The following PRKCQ variants were observed in gnomAD, a reference collection of about 807,000 sequenced individuals.
PRKCQ encodes protein kinase C theta type.
A neutral mutation model predicts 91.2 loss-of-function variants in PRKCQ; 41 were observed. The observed-to-expected ratio is 0.45, with a 90% CI of 0.35 to 0.58. The LOEUF (loss-of-function observed/expected upper bound fraction) is 0.58, where lower values mean the gene tolerates loss of function less well. Ranked by LOEUF, PRKCQ falls within the 20% of genes least tolerant of loss-of-function variation. The pLI is 0.00. For missense variants in PRKCQ, 673 were observed against 896.5 expected (o/e 0.75, Z 3.18); for synonymous variants, 307 against 316.9 (o/e 0.97, Z 0.33).
rs191540441 is a variant in PRKCQ at position 6,575,252 on chromosome 10, G to A, written c.-10+4959C>T. ...TTTGCAGCACGGTGTGTGATCTGAG[G>A]CTTGCAACAAAGGCCTGGTGAATTC... On this transcript the variant is annotated intron_variant, in intron 1 of 17. Transcript: ENST00000263125. 7.8e-4 allele frequency among the ~76,000 whole-genome samples: 119 copies of A among 152,274 alleles called. 4 individuals are homozygous for A. Among genetic ancestry groups the A allele is most frequent in the Admixed American group, 7.7e-3 (118 of 15,294 alleles).
rs145698526 is a variant in PRKCQ, at chr10:6,523,951, G to A, written c.-9-8807C>T. Among the ~76,000 whole-genome samples the A allele has an allele frequency of 1.6e-3, 243 of 152,174 alleles. 1 individual carries two copies. Among genetic ancestry groups the A allele is most frequent in the Middle Eastern group, 0.01 (3 of 294 alleles). ...TGTTATTAAAAAGCCTCCGTTTATTGGGTTCAAGTTGCCTCCTTCACACAG... is the reference window on the plus strand; with the variant it reads ...TGTTATTAAAAAGCCTCCGTTTATTAGGTTCAAGTTGCCTCCTTCACACAG... On this transcript the variant is annotated intron_variant, in intron 1 of 17. Transcript: ENST00000263125.
At chr10:6,469,518 G>A (rs7075155) in intron 12 of PRKCQ, among the ~76,000 whole-genome samples, 4,217 of 152,264 alleles carry the variant, frequency 0.028, 160 homozygotes, top group African/African-American at 0.081. Flanking sequence ...GGGGCTGGGC[G>A]GAACCCCTCT....
chr10:6,472,760 T>C (rs1180021964), intron 12 of PRKCQ, among the ~76,000 whole-genome samples: 1 of 152,254 alleles, frequency 6.6e-6, no homozygotes, highest in Non-Finnish European at 1.5e-5. Flanking sequence ...TCGCCCATGC[T>C]GGAGTGCAGT....
At chr10:6,421,346 A>G in the PRKCQ span, among the ~76,000 whole-genome samples, 1 of 152,166 alleles carries the variant, frequency 6.6e-6, no homozygotes, top group African/African-American at 2.4e-5. This position sits in a 1 kb window ranked among gnomAD's most constrained non-coding sequence, Gnocchi z 4.1. Context: ...TTAATCAGGC[A>G]TGGTGGTGCA....
chr10:6,398,094 T>C, the PRKCQ span, among the ~76,000 whole-genome samples: 4 of 152,258 alleles, frequency 2.6e-5, no homozygotes, highest in South Asian at 2.1e-4. Flanking sequence ...TTCTTTTGAA[T>C]GTAGATATTC....
intron 2 of PRKCQ, 79 bp from the exon 3 acceptor site, chr10:6,511,273 C>G (rs1588360398): frequency 2.3e-6 from 3 of 1,295,484 alleles, no homozygotes; most frequent in Non-Finnish European, 3.3e-6. Flanking sequence ...ACAGTAGCAC[C>G]TGCTCCCTCT....
intron 4 of PRKCQ, among the ~76,000 whole-genome samples, chr10:6,499,426 G>T (rs1301317040): frequency 6.6e-6 from 1 of 152,150 alleles, no homozygotes; most frequent in African/African-American, 2.4e-5. Context: ...CCTTGCTGAA[G>T]CCCAGGTCCT....
the PRKCQ span, among the ~76,000 whole-genome samples, chr10:6,413,776 GCA>G: frequency 4.6e-5 from 5 of 108,410 alleles, no homozygotes; most frequent in Admixed American, 2.0e-4. Flanking sequence ...TGCCACTTGT[GCA>G]CACACACACA....
At chr10:6,518,160 C>T (rs1442108368) in intron 1 of PRKCQ, among the ~76,000 whole-genome samples, 1 of 151,448 alleles carries the variant, frequency 6.6e-6, no homozygotes, top group East Asian at 1.9e-4. Flanking sequence ...TACACCAAGC[C>T]AAAAGTCAAT....
In PRKCQ at chr10:6,505,679, T is replaced by C. The variant is rs141392726; in HGVS notation, c.379+1757A>G. On this transcript the variant is annotated intron_variant, in intron 4 of 17. Coordinates refer to ENST00000263125, the MANE Select transcript of PRKCQ (RefSeq NM_006257.5). The stretch of plus-strand genomic sequence containing the variant: ...CCTTTCTTTCCTTTCTTTCTTTCAC[T>C]GTATCATCCACACTGCAGTGCACTG... Among the ~76,000 whole-genome samples the C allele has an allele frequency of 9.2e-4, 139 of 151,510 alleles. 1 individual carries two copies. Among genetic ancestry groups the C allele is most frequent in the African/African-American group, 3.0e-3 (123 of 41,248 alleles).
At chr10:6,446,426 C>T (rs144161061) in intron 15 of PRKCQ, among the ~76,000 whole-genome samples, 1,466 of 132,402 alleles carry the variant, frequency 0.011, 19 homozygotes, top group African/African-American at 0.04. Flanking sequence ...AGTGCAGTGG[C>T]GCGATCTCAG....
chr10:6,414,441 C>A, the PRKCQ span, among the ~76,000 whole-genome samples: 2 of 151,914 alleles, frequency 1.3e-5, no homozygotes, highest in Non-Finnish European at 2.9e-5. Context: ...ACCGGGCACA[C>A]AAAGAAACAG....
chr10:6,396,846 A>C, the PRKCQ span, among the ~76,000 whole-genome samples: 2 of 152,204 alleles, frequency 1.3e-5, no homozygotes, highest in Non-Finnish European at 2.9e-5. Flanking sequence ...TGTGTTGAAA[A>C]TTTAACTGCC....
chr10:6,419,185 ATCTC>A, the PRKCQ span, among the ~76,000 whole-genome samples: 2 of 144,540 alleles, frequency 1.4e-5, no homozygotes, highest in African/African-American at 5.7e-5. Flanking sequence ...ACTTCTGTCT[ATCTC>A]TCTATCTCTC....
rs1263705444 is a variant in PRKCQ, at chr10:6,534,791, TAG to T, written c.-9-19649_-9-19648del. On this transcript the variant is annotated intron_variant, in intron 1 of 17. Coordinates refer to ENST00000263125, the MANE Select transcript of PRKCQ (RefSeq NM_006257.5). ...ACATATATCTATATATATATATATA[TAG>T]ATATATATATATATATATAAACTCA... Among the ~76,000 whole-genome samples, 474 of 117,776 alleles carry T rather than the reference TAG, an allele frequency of 4.0e-3. 1 individual carries two copies. The highest frequency in any genetic ancestry group is 8.3e-3 in the African/African-American group (294 of 35,518). 77.3% of individuals were successfully genotyped at this position (117,776 alleles called of 152,430 possible).
chr10:6,400,685 TGTAA>T, the PRKCQ span, among the ~76,000 whole-genome samples: 1 of 146,944 alleles, frequency 6.8e-6, no homozygotes, highest in Non-Finnish European at 1.5e-5. Context: ...TTTGGCTACA[TGTAA>T]GTGTTTTTAC....
intron 11 of PRKCQ, among the ~76,000 whole-genome samples, chr10:6,481,157 T>C (rs1276131693): frequency 6.6e-6 from 1 of 152,192 alleles, no homozygotes; most frequent in Non-Finnish European, 1.5e-5. Context: ...GCTTTGGACA[T>C]GGAGTGGGGG....
At chr10:6,431,887 A>C (rs567502597) in intron 16 of PRKCQ, among the ~76,000 whole-genome samples, 1 of 152,342 alleles carries the variant, frequency 6.6e-6, no homozygotes, top group South Asian at 2.1e-4. Context: ...TCCTCTCTGC[A>C]CTGTTCCTTC....
intron 1 of PRKCQ, among the ~76,000 whole-genome samples, chr10:6,549,275 A>G (rs924302059): frequency 6.6e-6 from 1 of 152,202 alleles, no homozygotes; most frequent in African/African-American, 2.4e-5. Context: ...GCATGCTGCA[A>G]TGGGATTCAT....
Sources: gnomAD v4.1 joint callset for allele counts (sites outside exome capture counted in the v4.1 genomes callset) on GRCh38, gnomAD v4.1.1 for gene constraint, Gnocchi (gnomAD v3.1) non-coding constraint, MANE v1.5 for transcripts, NCBI Gene and HGNC (gene_info 2026-07-23, HGNC 2026-07-21) for gene names.